Variants in PTGER3 observed in about 807,000 individuals in gnomAD.
The protein encoded by PTGER3 is prostaglandin E2 receptor EP3 subtype.
PTGER3 carries 22 observed loss-of-function variants against 34.7 expected under a neutral mutation model. The observed-to-expected ratio is 0.63, with a 90% CI of 0.45 to 0.91. The LOEUF is 0.91. Among genes scored for constraint, PTGER3 ranks in the 40% least tolerant of loss-of-function variants. PTGER3 has a pLI of 0.00. For synonymous variants in PTGER3, 241 were observed against 230.1 expected (o/e 1.05, Z -0.43); for missense variants, 468 against 519.4 (o/e 0.90, Z 0.96).
intron 4 of PTGER3, among the ~76,000 whole-genome samples, chr1:70,897,324 T>C (rs769023008): frequency 6.6e-6 from 1 of 152,204 alleles, no homozygotes; most frequent in Non-Finnish European, 1.5e-5. Flanking sequence ...TATTCATTTG[T>C]GAATTCATTC....
At chr1:70,863,361 C>G (rs994209112) in intron 4 of PTGER3, among the ~76,000 whole-genome samples, 3 of 152,098 alleles carry the variant, frequency 2.0e-5, no homozygotes, top group Non-Finnish European at 4.4e-5. Flanking sequence ...GTATGATTAG[C>G]TTCCCCATTG....
Position 71,012,499 on chromosome 1 carries a change from CA to C in PTGER3, c.898-16del. ...AACATCATTATCTAAGAAAAGGGGA[CA>C]AATAATTGTTTCAAAGATTAGTAAG... On this transcript the variant is annotated splice_polypyrimidine_tract_variant and intron_variant, in intron 1 of 3. Transcript: ENST00000306666. The C allele has an allele frequency of 6.2e-7, 1 of 1,602,992 alleles. No homozygotes were observed. Among genetic ancestry groups the C allele is most frequent in the Non-Finnish European group, 8.5e-7 (1 of 1,173,632 alleles).
chr1:71,031,191 GC>G (rs1659380014), intron 1 of PTGER3, among the ~76,000 whole-genome samples: 3 of 151,664 alleles, frequency 2.0e-5, no homozygotes, highest in Admixed American at 2.0e-4. Context: ...TCTTCAGTTT[GC>G]GCTCCACCAG....
chr1:70,942,472 G>T lies in PTGER3; in HGVS notation c.*23+11291C>A, dbSNP rs149456942. On this transcript the variant is annotated intron_variant, in intron 4 of 4. Coordinates refer to the PTGER3 transcript ENST00000370931. ...TTTCAATTCCTCATTTGCATCCTAA[G>T]CTCCAGCATTACCAGACTATTTAAA... Among the ~76,000 whole-genome samples, 1,104 of 152,156 alleles carry T rather than the reference G, an allele frequency of 7.3e-3. 15 individuals carry two copies. Among genetic ancestry groups the T allele is most frequent in the African/African-American group, 0.026 (1,060 of 41,496 alleles).
Position 71,007,842 on chromosome 1 carries a change from G to A in PTGER3, c.1077+4463C>T, listed in dbSNP as rs954523328. On this transcript the variant is annotated intron_variant, in intron 2 of 3. Coordinates refer to ENST00000306666, the MANE Select transcript of PTGER3 (RefSeq NM_198719.2). ...TCTAATTCTAAAGCATTTAACAATAGCATTGAAGAGATGCACAAATGATAA... is the reference window on the plus strand; with the variant it reads ...TCTAATTCTAAAGCATTTAACAATAACATTGAAGAGATGCACAAATGATAA... 1.0e-5 allele frequency: 10 copies of A among 984,798 alleles called. No individual in the cohort carries two copies. In the African/African-American group the frequency reaches 1.7e-4, roughly 17 times the overall value. The allele number at this position is 984,798 out of a possible 1,614,324, so 61.0% of individuals were successfully genotyped here.
chr1:70,922,917 C>G (rs1647689787), intron 4 of PTGER3, among the ~76,000 whole-genome samples: 1 of 152,206 alleles, frequency 6.6e-6, no homozygotes, highest in South Asian at 2.1e-4. Context: ...GGGTATTATT[C>G]CATTTTTTCT....
intron 1 of PTGER3, among the ~76,000 whole-genome samples, chr1:71,038,632 C>T (rs1385709237): frequency 6.6e-6 from 1 of 152,138 alleles, no homozygotes; most frequent in East Asian, 1.9e-4. Context: ...AATGTCCTCC[C>T]TATAAATGTG....
chr1:70,924,769 A>G (rs974616250), intron 4 of PTGER3, among the ~76,000 whole-genome samples: 6 of 152,146 alleles, frequency 3.9e-5, no homozygotes, highest in Admixed American at 1.3e-4. Context: ...TGGAGTAGCC[A>G]TTCTTTTTTT....
rs149297678 is a variant in PTGER3, at chr1:70,905,540, G to T, written c.*23+48223C>A. Among the ~76,000 whole-genome samples, 530 of 152,296 alleles carry T rather than the reference G, an allele frequency of 3.5e-3. 2 individuals are homozygous for T. The highest frequency in any genetic ancestry group is 0.012 in the African/African-American group (504 of 41,564). ...CAGAGACCTGAATGTGAGACATGGA[G>T]TCAAAGGATATCACTTTGGAGCTTT... On this transcript the variant is annotated intron_variant, in intron 4 of 4. Coordinates refer to the PTGER3 transcript ENST00000370931.
intron 1 of PTGER3, among the ~76,000 whole-genome samples, chr1:71,040,692 A>G (rs1660240095): frequency 1.3e-5 from 2 of 152,340 alleles, no homozygotes; most frequent in Middle Eastern, 3.4e-3. Flanking sequence ...CCTAGGAAAA[A>G]ATAATGTGCA....
At chr1:70,881,987 A>G (rs1479430318) in intron 4 of PTGER3, among the ~76,000 whole-genome samples, 1 of 152,172 alleles carries the variant, frequency 6.6e-6, no homozygotes, top group Non-Finnish European at 1.5e-5. Context: ...TTCCAGGGCA[A>G]CAGGAAGCTG....
At chr1:70,908,662 C>G (rs368063861) in intron 4 of PTGER3, among the ~76,000 whole-genome samples, 1 of 152,146 alleles carries the variant, frequency 6.6e-6, no homozygotes, top group African/African-American at 2.4e-5. Context: ...CAATGTGAAC[C>G]CAATTAAGCC....
At chr1:70,911,249 A>G (rs1328715568) in intron 4 of PTGER3, among the ~76,000 whole-genome samples, 3 of 150,546 alleles carry the variant, frequency 2.0e-5, no homozygotes, top group Non-Finnish European at 4.4e-5. Flanking sequence ...TAGATTGGAG[A>G]CCCTTTTCTT....
intron 4 of PTGER3, among the ~76,000 whole-genome samples, chr1:70,855,350 A>G (rs1486003458): frequency 6.6e-6 from 1 of 152,186 alleles, no homozygotes; most frequent in Non-Finnish European, 1.5e-5. Context: ...TTCGATGGGT[A>G]TAGAGTTTCA....
intron 4 of PTGER3, among the ~76,000 whole-genome samples, chr1:70,867,114 AGAT>A (rs1396208067): frequency 1.3e-5 from 2 of 152,228 alleles, no homozygotes; most frequent in African/African-American, 4.8e-5. Context: ...AATAGACCAC[AGAT>A]GCCCCCACAC....
intron 2 of PTGER3, among the ~76,000 whole-genome samples, chr1:70,956,445 C>G (rs1014452440): frequency 2.6e-5 from 4 of 151,534 alleles, no homozygotes; most frequent in Admixed American, 1.3e-4. Flanking sequence ...TCAAACATGA[C>G]TTTTTTCTTT....
At chr1:71,012,532 T>C in intron 1 of PTGER3, 48 bp from the exon 2 acceptor site, 1 of 1,512,354 alleles carries the variant, frequency 6.6e-7, no homozygotes, top group Non-Finnish European at 9.1e-7. Context: ...TAAGGTCATA[T>C]GCATCTCCTC....
At chr1:70,993,521 T>C (rs1655658468) in intron 2 of PTGER3, among the ~76,000 whole-genome samples, 2 of 152,202 alleles carry the variant, frequency 1.3e-5, no homozygotes, top group African/African-American at 4.8e-5. Context: ...GGCTCTCCTT[T>C]TGCAGCAGCC....
At chr1:70,936,633 G>C (rs1293882122) in intron 4 of PTGER3, among the ~76,000 whole-genome samples, 2 of 152,116 alleles carry the variant, frequency 1.3e-5, no homozygotes, top group African/African-American at 4.8e-5. Context: ...CAATTGGACA[G>C]CAACATAAAT....
Sources: gnomAD v4.1 joint callset for allele counts (sites outside exome capture counted in the v4.1 genomes callset) on GRCh38, gnomAD v4.1.1 for gene constraint, MANE v1.5 for transcripts, NCBI Gene and HGNC (gene_info 2026-07-23, HGNC 2026-07-21) for gene names.